Variants in DPP6 observed in about 807,000 individuals in gnomAD.
The protein encoded by DPP6 is A-type potassium channel modulatory protein DPP6.
A neutral mutation model predicts 122.6 loss-of-function variants in DPP6; 69 were observed. That is an observed-to-expected ratio of 0.56 (90% CI 0.46 to 0.69). DPP6 has a LOEUF of 0.69. Among genes scored for constraint, DPP6 ranks in the 30% least tolerant of loss-of-function variants. The pLI is 0.00. For synonymous variants in DPP6, 418 were observed against 433.1 expected, an observed-to-expected ratio of 0.97 and a Z score of 0.43; for missense variants, 928 against 1,116.9, an observed-to-expected ratio of 0.83 and a Z score of 2.41.
At chr7:154,028,919 T>C (rs937550846) in intron 1 of DPP6, among the ~76,000 whole-genome samples, 5 of 151,830 alleles carry the variant, frequency 3.3e-5, no homozygotes, top group African/African-American at 4.9e-5. Flanking sequence ...GCCTTACTTA[T>C]GGGAGGCCCT....
chr7:154,078,427 C>A (rs1237947685), intron 1 of DPP6, among the ~76,000 whole-genome samples: 8 of 151,844 alleles, frequency 5.3e-5, no homozygotes, highest in African/African-American at 1.5e-4. Flanking sequence ...ATATCTTTCA[C>A]CTTGAAGATG....
intron 1 of DPP6, among the ~76,000 whole-genome samples, chr7:153,891,302 G>C (rs1799192403): frequency 6.6e-6 from 1 of 152,038 alleles, no homozygotes. Flanking sequence ...GATTACAGGC[G>C]TGAGCCACCT....
At chr7:154,735,283 C>T (rs572587242) in intron 8 of DPP6, among the ~76,000 whole-genome samples, 3 of 152,254 alleles carry the variant, frequency 2.0e-5, no homozygotes, top group East Asian at 3.9e-4. Context: ...AGCTGTTTTC[C>T]TTTTATGAGC....
At chr7:154,753,780 G>A (rs1396489408) in intron 8 of DPP6, among the ~76,000 whole-genome samples, 1 of 152,178 alleles carries the variant, frequency 6.6e-6, no homozygotes, top group Admixed American at 6.5e-5. Flanking sequence ...CTTCCGTCTA[G>A]GCTGTCCCTC....
chr7:154,883,428 A>ACACATGCTCACCCATAAACATGCT (rs1805631974), intron 21 of DPP6: 1 of 130,332 alleles, frequency 7.7e-6, no homozygotes, highest in African/African-American at 3.0e-5. Context: ...ATGCTCACAC[A>ACACATGCTCACCCATAAACATGCT]CACGCTCACA....
chr7:153,931,164 T>C (rs895280927), intron 1 of DPP6, among the ~76,000 whole-genome samples: 2 of 152,204 alleles, frequency 1.3e-5, no homozygotes, highest in Non-Finnish European at 2.9e-5. Flanking sequence ...AGCTTTCCCA[T>C]AGAATTAAAA....
In DPP6 at chr7:154,158,663, C is replaced by T. The variant is rs1388477917; in HGVS notation, c.243+105600C>T. 4.0e-5 allele frequency among the ~76,000 whole-genome samples: 6 copies of T among 151,830 alleles called. No homozygotes were observed. The South Asian group carries it at 8.3e-4, about 21-fold the overall frequency. ...TCAAAGGTCTGGTGGTATCTGTCTGCCTCAGTAGAATAATAAAAGCTGAAT... is the reference window on the plus strand; with the variant it reads ...TCAAAGGTCTGGTGGTATCTGTCTGTCTCAGTAGAATAATAAAAGCTGAAT... On this transcript the variant is annotated intron_variant, in intron 1 of 25. Coordinates refer to ENST00000377770, the MANE Select transcript of DPP6 (RefSeq NM_130797.4).
At chr7:153,999,232 G>C (rs1797579504) in intron 1 of DPP6, among the ~76,000 whole-genome samples, 1 of 152,212 alleles carries the variant, frequency 6.6e-6, no homozygotes, top group South Asian at 2.1e-4. Flanking sequence ...TCAAAAGAGA[G>C]TTATTTCCCT....
chr7:154,361,926 TTGTC>T (rs558526404), intron 1 of DPP6, among the ~76,000 whole-genome samples: 6 of 152,340 alleles, frequency 3.9e-5, no homozygotes, highest in African/African-American at 1.4e-4. Flanking sequence ...GGTCTGCAGT[TTGTC>T]TGCCATGATG....
At chr7:154,007,178 T>A (rs1033899660) in intron 1 of DPP6, among the ~76,000 whole-genome samples, 1 of 152,200 alleles carries the variant, frequency 6.6e-6, no homozygotes, top group Non-Finnish European at 1.5e-5. Context: ...GGAAACACCA[T>A]TAACATTTGT....
At chr7:154,758,503 C>T (rs1301842877) in intron 8 of DPP6, among the ~76,000 whole-genome samples, 1 of 151,766 alleles carries the variant, frequency 6.6e-6, no homozygotes, top group Non-Finnish European at 1.5e-5. Context: ...TCCTGAGTAG[C>T]TGGGATTACA....
At chr7:154,093,433 A>T (rs1323004256) in intron 1 of DPP6, among the ~76,000 whole-genome samples, 1 of 136,666 alleles carries the variant, frequency 7.3e-6, no homozygotes, top group Non-Finnish European at 1.6e-5. Flanking sequence ...ACACCCCATA[A>T]CATACCACAT....
At chr7:154,779,913 C>T (rs942171402) in intron 10 of DPP6, among the ~76,000 whole-genome samples, 1 of 152,192 alleles carries the variant, frequency 6.6e-6, no homozygotes, top group African/African-American at 2.4e-5. Context: ...ATTTGTGTTC[C>T]AATTTTTTTT....
chr7:154,012,023 T>C (rs747181424), intron 1 of DPP6, among the ~76,000 whole-genome samples: 3 of 152,210 alleles, frequency 2.0e-5, no homozygotes, highest in Non-Finnish European at 2.9e-5. Flanking sequence ...ATATGTAATA[T>C]CTTTTTTTAA....
At chr7:154,577,240 C>A (rs1483806699) in intron 5 of DPP6, among the ~76,000 whole-genome samples, 1 of 151,852 alleles carries the variant, frequency 6.6e-6, no homozygotes, top group African/African-American at 2.4e-5. Context: ...GGGGAAGGAC[C>A]CCCCTGTCCA....
intron 1 of DPP6, among the ~76,000 whole-genome samples, chr7:154,061,419 GTAGCCTACATCTC>G (rs1300492301): frequency 6.8e-6 from 1 of 146,664 alleles, no homozygotes. Flanking sequence ...GCTGAGGCCG[GTAGCCTACATCTC>G]TAAACAACTA....
chr7:154,128,304 A>G (rs1808083632), intron 1 of DPP6, among the ~76,000 whole-genome samples: 1 of 152,142 alleles, frequency 6.6e-6, no homozygotes, highest in African/African-American at 2.4e-5. Flanking sequence ...AAAAGGCTAG[A>G]CATGGTGGCT....
intron 1 of DPP6, among the ~76,000 whole-genome samples, chr7:154,327,852 C>T (rs541831931): frequency 1.3e-5 from 2 of 152,308 alleles, no homozygotes; most frequent in East Asian, 3.9e-4. Flanking sequence ...ATTATAAGCC[C>T]TGTGATCATT....
chr7:153,989,513 T>C (rs1797044316), intron 1 of DPP6, among the ~76,000 whole-genome samples: 1 of 151,780 alleles, frequency 6.6e-6, no homozygotes, highest in African/African-American at 2.4e-5. Context: ...CCTGCGAGTT[T>C]TCACCTTGCC....
Sources: allele counts gnomAD v4.1 joint callset (sites outside exome capture counted in the v4.1 genomes callset), GRCh38; gene constraint gnomAD v4.1.1; transcripts MANE v1.5; gene names NCBI Gene and HGNC (gene_info 2026-07-23, HGNC 2026-07-21).